The following TAF1C variants were observed in gnomAD, a reference collection of about 807,000 sequenced individuals.
TAF1C encodes TATA-box binding protein associated factor, RNA polymerase I subunit C, also known as TATA box-binding protein-associated factor RNA polymerase I subunit C.
A neutral mutation model predicts 70.5 loss-of-function variants in TAF1C; 79 were observed. That is an observed-to-expected ratio of 1.12 (90% CI 0.93 to 1.35). The LOEUF is 1.35. Ranked by LOEUF, TAF1C falls within the 40% of genes most tolerant of loss-of-function variation. The pLI is 0.00. For missense variants in TAF1C, 1,412 were observed against 1,127.8 expected (o/e 1.25, Z -3.61); for synonymous variants, 614 against 491.1 (o/e 1.25, Z -3.31).
Position 84,178,064 on chromosome 16 carries a change from A to G in TAF1C, c.*877T>C. 1.9e-6 allele frequency: 1 copy of G among 529,610 alleles called. No individual in the cohort carries two copies. Among genetic ancestry groups the G allele is most frequent in the Non-Finnish European group, 3.5e-6 (1 of 288,306 alleles). 32.8% of individuals were successfully genotyped at this position (529,610 alleles called of 1,614,324 possible). On this transcript the variant is annotated 3_prime_UTR_variant, in exon 15 of 15. Coordinates refer to ENST00000566732, the MANE Select transcript of TAF1C (RefSeq NM_001243156.2). The stretch of plus-strand genomic sequence containing the variant: ...GGTCCCTGCAAAATCTCAAGTGAGC[A>G]TTTTCCCCACAGGAAAACAGAATCT...
At chr16:84,184,616 G>A (rs975020727) in intron 2 of TAF1C, among the ~76,000 whole-genome samples, 2 of 152,210 alleles carry the variant, frequency 1.3e-5, no homozygotes, top group Admixed American at 6.5e-5. Flanking sequence ...GGGGTCAACC[G>A]ACTGATTCAG....
chr16:84,179,576 T>G lies in TAF1C; in HGVS notation c.1897A>C (p.Thr633Pro), dbSNP rs2151295015. The G allele has an allele frequency of 6.2e-7, 1 of 1,612,292 alleles. No homozygotes were observed. The highest frequency in any genetic ancestry group is 1.1e-5 in the South Asian group (1 of 91,044). ...GTGCTGCCCAGCATCTGGCGGTGGG[T>G]GAAGGTGGGTGCTGTCCACACAGGA... ...APPVWTAPTF[T>P]HRQMLGSTEL... Residue 633 changes from threonine (T) to proline (P), a missense_variant, in exon 15 of 15, where the codon ACC (threonine) becomes CCC (proline). Transcript: ENST00000566732.
In TAF1C at chr16:84,178,231, G is replaced by T. The variant is rs1317081721; in HGVS notation, c.*710C>A. On this transcript the variant is annotated 3_prime_UTR_variant, in exon 15 of 15. Transcript: ENST00000566732. ...CAAACTGACATGACCGTGACCCTCT[G>T]CTCAGAGGGCACTATCGACAGCCCA... 2.4e-6 allele frequency: 1 copy of T among 424,056 alleles called. No individual in the cohort carries two copies. Among genetic ancestry groups the T allele is most frequent in the Non-Finnish European group, 4.8e-6 (1 of 209,682 alleles). The allele number at this position is 424,056 out of a possible 1,614,324, so 26.3% of individuals were successfully genotyped here.
Position 84,182,905 on chromosome 16 carries a change from T to G in TAF1C, c.482+171A>C, listed in dbSNP as rs540495651. ...GAACTCCACAAATGTAAATCTGCTTTCCCCTGAGATGATTTGGAGTTGGAA... is the reference window on the plus strand; with the variant it reads ...GAACTCCACAAATGTAAATCTGCTTGCCCCTGAGATGATTTGGAGTTGGAA... On this transcript the variant is annotated intron_variant, in intron 6 of 14. Transcript: ENST00000566732. The surrounding 1 kb of genome is among the most constrained non-coding windows in gnomAD (Gnocchi z 5.0). 4.3e-4 allele frequency among the ~76,000 whole-genome samples: 65 copies of G among 152,328 alleles called. No homozygotes were observed. The highest frequency in any genetic ancestry group is 1.4e-3 in the African/African-American group (57 of 41,562).
rs1469262650 is a variant in TAF1C at position 84,183,307 on chromosome 16, T to G, written c.345A>C (p.Gly115=). 6.2e-7 allele frequency: 1 copy of G among 1,613,878 alleles called. No individual in the cohort carries two copies. Among genetic ancestry groups the G allele is most frequent in the East Asian group, 2.2e-5 (1 of 44,870 alleles). Residue 115 remains glycine, a synonymous_variant, in exon 5 of 15, where the codon GGA becomes GGC. Transcript: ENST00000566732. ...EQISRFLLDH[G]DVAFAPLGKL... ...TCCCCAGGGGCGCAAAGGCTACGTC[T>G]CCATGATCCAAGAGGAACCGGCTGA...
chr16:84,185,102 G>A (rs2089411948), intron 1 of TAF1C, 42 bp from the exon 2 acceptor site: 2 of 1,324,412 alleles, frequency 1.5e-6, no homozygotes, highest in Non-Finnish European at 2.0e-6. Context: ...TATGTTCTTT[G>A]AGGAAGCAGA....
At chr16:84,181,919 G>A (rs1319478409) in intron 8 of TAF1C, 23 bp downstream of exon 8, 1 of 1,614,120 alleles carries the variant, frequency 6.2e-7, no homozygotes, top group Admixed American at 1.7e-5. Flanking sequence ...AGTGAGGGAG[G>A]AAAGTGTATA....
Position 84,181,603 on chromosome 16 carries a change from G to C in TAF1C, c.1017C>G (p.Ser339Arg). 1 of 1,613,936 alleles carries C rather than the reference G, an allele frequency of 6.2e-7. No homozygotes were observed. The highest frequency in any genetic ancestry group is 1.1e-5 in the South Asian group (1 of 91,084). ...GGAAGCGGCGATACCCATCCTCAGG[G>C]CTCCACAGGCAGACGGCTCCCGAGC... ...CSRSGAVCLWSPEDGLRQIYR... is the reference protein window; with the variant it reads ...CSRSGAVCLWRPEDGLRQIYR... The change falls in exon 10 of 15, where the codon AGC becomes AGG. Residue 339 changes from serine (S) to arginine (R), a missense_variant. By Grantham distance (110) the Ser-to-Arg change is moderately radical (BLOSUM62 -1). Transcript: ENST00000566732.
rs912396377 is a variant in TAF1C, at chr16:84,181,107, G to T, written c.1244C>A (p.Thr415Asn). 3 of 1,613,206 alleles carry T rather than the reference G, an allele frequency of 1.9e-6. No individual in the cohort carries two copies. In the African/African-American group the frequency reaches 4.0e-5, roughly 22 times the overall value. Reference protein sequence around the residue: ...SCQKGERVLLTQYLGHSSPKC... With the variant: ...SCQKGERVLLNQYLGHSSPKC... ...GGGGCTGGAGTGCCCCAGGTACTGG[G>T]TAAGCAGGACACGTTCCCCTTTCTG... The change falls in exon 12 of 15, where the codon ACC becomes AAC. Residue 415 changes from threonine to asparagine, a missense_variant. Physicochemically the swap from Thr to Asn is moderately conservative, Grantham distance 65. Transcript: ENST00000566732.
rs1163171696 is a variant in TAF1C, at chr16:84,183,339, G to A, written c.319-6C>T. 1 of 1,613,818 alleles carries A rather than the reference G, an allele frequency of 6.2e-7. No individual in the cohort carries two copies. Among genetic ancestry groups the A allele is most frequent in the Non-Finnish European group, 8.5e-7 (1 of 1,180,050 alleles). ...TCCAAGAGGAACCGGCTGATCTGGG[G>A]AGAAGAGGAGGCCAGGTCACTAAGC... is the stretch of plus-strand genomic sequence containing the variant. On this transcript the variant is annotated splice_region_variant and splice_polypyrimidine_tract_variant and intron_variant, in intron 4 of 14. Coordinates refer to ENST00000566732, the MANE Select transcript of TAF1C (RefSeq NM_001243156.2).
At position 84,178,266 on chromosome 16, in the gene TAF1C, G is replaced by A; in HGVS notation, c.*675C>T. On this transcript the variant is annotated 3_prime_UTR_variant, in exon 15 of 15. Transcript: ENST00000566732. ...CACTATCGACAGCCCACAGGTGCCA[G>A]ACCCATGTCCCAAGGGAGAAGGAAC... The A allele has an allele frequency of 2.2e-6, 1 of 449,712 alleles. No individual in the cohort carries two copies. 27.9% of individuals were successfully genotyped at this position (449,712 alleles called of 1,614,324 possible).
chr16:84,180,003 G>A lies in TAF1C; in HGVS notation c.1564C>T (p.Leu522=). Residue 522 remains leucine, a synonymous_variant, in exon 14 of 15, where the codon CTG becomes TTG. Transcript: ENST00000566732. ...SRIDSLPAFP[L]LEPKIQWRLQ... is the part of the protein sequence containing the mutation. ...CGCCACTGGATCTTAGGCTCCAGCA[G>A]AGGAAATGCAGGGAGGGAGTCGATC... 2.5e-6 allele frequency: 4 copies of A among 1,612,332 alleles called. No individual in the cohort carries two copies. Among genetic ancestry groups the A allele is most frequent in the East Asian group, 4.5e-5 (2 of 44,884 alleles).
Position 84,182,660 on chromosome 16 carries a change from C to T in TAF1C, c.483-220G>A, listed in dbSNP as rs1481320927. Among the ~76,000 whole-genome samples, 2 of 152,230 alleles carry T rather than the reference C, an allele frequency of 1.3e-5. No individual in the cohort carries two copies. Among genetic ancestry groups the T allele is most frequent in the Non-Finnish European group, 2.9e-5 (2 of 68,040 alleles). ...TGCCCTTGCCACAGTGACTGGTTCA[C>T]AGATGGGTGTGAGACCCAAGCCAAG... On this transcript the variant is annotated intron_variant, in intron 6 of 14. Coordinates refer to ENST00000566732, the MANE Select transcript of TAF1C (RefSeq NM_001243156.2). This position sits in a 1 kb window ranked among gnomAD's most constrained non-coding sequence, Gnocchi z 5.0.
At chr16:84,180,145 C>G (rs369831039) in intron 13 of TAF1C, 25 bp downstream of exon 13, 1 of 1,559,254 alleles carries the variant, frequency 6.4e-7, no homozygotes, top group East Asian at 2.3e-5. Flanking sequence ...TCCCACACGC[C>G]GCCCACCCTG....
At chr16:84,183,953 C>T (rs1315407791) in intron 2 of TAF1C, among the ~76,000 whole-genome samples, 175 bp from the exon 3 acceptor site, 1 of 152,230 alleles carries the variant, frequency 6.6e-6, no homozygotes, top group South Asian at 2.1e-4. Context: ...CTGCCATTTG[C>T]CCCAGAAGAC....
Position 84,182,199 on chromosome 16 carries a change from T to C in TAF1C, c.721+3A>G. ...GAATCTCCTGTCTCGCAAGAAAGGATACGCAGCCTGTCCTGGGCGCCTCCA... is the reference window on the plus strand; with the variant it reads ...GAATCTCCTGTCTCGCAAGAAAGGACACGCAGCCTGTCCTGGGCGCCTCCA... On this transcript the variant is annotated splice_donor_region_variant and intron_variant, in intron 7 of 14. Transcript: ENST00000566732. The surrounding 1 kb of genome is among the most constrained non-coding windows in gnomAD (Gnocchi z 5.0). 1 of 1,606,824 alleles carries C rather than the reference T, an allele frequency of 6.2e-7. No homozygotes were observed. The highest frequency in any genetic ancestry group is 1.1e-5 in the South Asian group (1 of 90,752).
chr16:84,178,819 T>A lies in TAF1C; in HGVS notation c.*122A>T. 8.9e-7 allele frequency: 1 copy of A among 1,126,244 alleles called. No individual in the cohort carries two copies. Among genetic ancestry groups the A allele is most frequent in the Non-Finnish European group, 1.2e-6 (1 of 806,206 alleles). The allele number at this position is 1,126,244 out of a possible 1,614,324, so 69.8% of individuals were successfully genotyped here. A position where few individuals can be genotyped will look rare whatever the true frequency, so the allele number is the denominator to read the frequency against. ...TGGCTCCAAATTGCTTGGCTCATCA[T>A]CACAGTGGCCTCCAGAAGGTGGCGA... On this transcript the variant is annotated 3_prime_UTR_variant, in exon 15 of 15. Coordinates refer to ENST00000566732, the MANE Select transcript of TAF1C (RefSeq NM_001243156.2).
In TAF1C at chr16:84,178,101, T is replaced by G; in HGVS notation, c.*840A>C. On this transcript the variant is annotated 3_prime_UTR_variant, in exon 15 of 15. Coordinates refer to ENST00000566732, the MANE Select transcript of TAF1C (RefSeq NM_001243156.2). ...GGAAAACAGAATCTTCCACTGCAGC[T>G]AGAGAAACTCCGAGGAAGAGGGACT... The G allele has an allele frequency of 4.4e-6, 2 of 452,376 alleles. No individual in the cohort carries two copies. Among genetic ancestry groups the G allele is most frequent in the Non-Finnish European group, 4.1e-6 (1 of 242,346 alleles). 28.0% of individuals were successfully genotyped at this position (452,376 alleles called of 1,614,324 possible).
Position 84,185,032 on chromosome 16 carries a change from C to A in TAF1C, c.-44G>T, listed in dbSNP as rs1190570086. 4 of 1,593,620 alleles carry A rather than the reference C, an allele frequency of 2.5e-6. No homozygotes were observed. The highest frequency in any genetic ancestry group is 3.4e-6 in the Non-Finnish European group (4 of 1,168,610). The stretch of plus-strand genomic sequence containing the variant: ...GCACCACACTGGCCACCTCGAGAGA[C>A]TGGAAGCTGGTAAGGGGCGCCAGAG... On this transcript the variant is annotated 5_prime_UTR_variant, in exon 2 of 15. Coordinates refer to ENST00000566732, the MANE Select transcript of TAF1C (RefSeq NM_001243156.2).
Sources: allele counts gnomAD v4.1 joint callset (sites outside exome capture counted in the v4.1 genomes callset), GRCh38; gene constraint gnomAD v4.1.1; non-coding constraint Gnocchi (gnomAD v3.1); transcripts MANE v1.5; gene names NCBI Gene and HGNC (gene_info 2026-07-23, HGNC 2026-07-21).